Variants in RAB27B observed in about 807,000 individuals in gnomAD.
RAB27B encodes the protein ras-related protein Rab-27B.
Under a neutral mutation model 24.6 loss-of-function variants are expected in RAB27B, and 15 were observed. The observed-to-expected ratio is 0.61, with a 90% CI of 0.41 to 0.94. RAB27B has a LOEUF of 0.94. Among genes scored for constraint, RAB27B ranks in the 40% least tolerant of loss-of-function variants. The pLI is 0.00. For synonymous variants in RAB27B, 105 were observed against 92.5 expected (o/e 1.14, Z -0.78); for missense variants, 261 against 266.8 (o/e 0.98, Z 0.15).
chr18:54,772,997 C>T (rs1019555178), intron 2 of RAB27B, among the ~76,000 whole-genome samples: 4 of 152,130 alleles, frequency 2.6e-5, no homozygotes, highest in African/African-American at 9.7e-5. Context: ...ACTTTCAAAT[C>T]CACTGTATTT....
chr18:54,869,462 C>A (rs1240826616), intron 1 of RAB27B, among the ~76,000 whole-genome samples: 2 of 152,180 alleles, frequency 1.3e-5, no homozygotes, highest in African/African-American at 4.8e-5. Context: ...TGGGTTTTAG[C>A]AAATTCATGT....
intron 2 of RAB27B, among the ~76,000 whole-genome samples, chr18:54,739,304 A>C (rs1909998130): frequency 6.6e-6 from 1 of 151,804 alleles, no homozygotes; most frequent in Non-Finnish European, 1.5e-5. Flanking sequence ...AAAATACAAA[A>C]AGTTAGCCAG....
At chr18:54,814,649 G>C (rs554722304) in intron 2 of RAB27B, among the ~76,000 whole-genome samples, 1 of 152,138 alleles carries the variant, frequency 6.6e-6, no homozygotes, top group South Asian at 2.1e-4. Context: ...AAAAAGGCAA[G>C]GTTTGTTAAG....
chr18:54,817,341 G>A (rs1050764479), intron 2 of RAB27B, among the ~76,000 whole-genome samples: 3 of 152,138 alleles, frequency 2.0e-5, no homozygotes, highest in Non-Finnish European at 4.4e-5. Flanking sequence ...CAAGGCTTTA[G>A]ATTTAGAGTT....
intron 1 of RAB27B, among the ~76,000 whole-genome samples, chr18:54,850,818 A>G (rs1383196044): frequency 7.9e-5 from 12 of 151,034 alleles, no homozygotes; most frequent in Non-Finnish European, 1.5e-5. Flanking sequence ...ATTATTAAAA[A>G]TATTAATTTT....
At chr18:54,888,141 G>A in intron 5 of RAB27B, 23 bp downstream of exon 5, 2 of 1,610,394 alleles carry the variant, frequency 1.2e-6, no homozygotes, top group South Asian at 1.1e-5. Context: ...CACTGAGATG[G>A]CATGTGACTT....
rs971160255 is a variant in RAB27B, at chr18:54,725,805, T to C, written c.-20+7664T>C. On this transcript the variant is annotated intron_variant, in intron 2 of 4. Transcript: ENST00000586570. ...TCTCTGTCACGACATGTGGGGATTA[T>C]GGGAATTACAATTCAAGATGAGATT... Among the ~76,000 whole-genome samples, 35 of 151,562 alleles carry C rather than the reference T, an allele frequency of 2.3e-4. 1 individual carries two copies. Among genetic ancestry groups the C allele is most frequent in the African/African-American group, 8.5e-4 (35 of 41,334 alleles).
At chr18:54,818,658 C>T (rs868359534) in intron 2 of RAB27B, among the ~76,000 whole-genome samples, 9 of 152,244 alleles carry the variant, frequency 5.9e-5, no homozygotes, top group Middle Eastern at 3.4e-3. Context: ...GAGAGCCTGA[C>T]CTCCCACTTT....
intron 1 of RAB27B, among the ~76,000 whole-genome samples, chr18:54,872,642 A>T (rs1363665908): frequency 6.7e-6 from 1 of 148,942 alleles, no homozygotes; most frequent in Non-Finnish European, 1.5e-5. Context: ...AAAAAAAAAG[A>T]AAAAAGAAAA....
In RAB27B at chr18:54,877,634, G is replaced by A; in HGVS notation, c.49G>A (p.Asp17Asn). The stretch of plus-strand genomic sequence containing the variant: ...TCTGATCAAACTCCTGGCCCTCGGG[G>A]ATTCAGGGGTGGGGAAGACAACATT... The part of the protein sequence containing the change: ...DYLIKLLALG[D>N]SGVGKTTFLY... The change falls in exon 2 of 6, where the codon GAT becomes AAT. Residue 17 changes from aspartate to asparagine, a missense_variant. Coordinates refer to ENST00000262094, the MANE Select transcript of RAB27B (RefSeq NM_004163.4). 6.3e-7 allele frequency: 1 copy of A among 1,593,370 alleles called. No individual in the cohort carries two copies. The highest frequency in any genetic ancestry group is 8.5e-7 in the Non-Finnish European group (1 of 1,174,096).
Position 54,889,497 on chromosome 18 carries a change from T to C in RAB27B, c.*84T>C, listed in dbSNP as rs1913282507. ...GACAAACCACACAATTGTTGTTGAG[T>C]AAACCACGCACAATGGCATGTCTTT... On this transcript the variant is annotated 3_prime_UTR_variant, in exon 6 of 6. Transcript: ENST00000262094. 5.7e-6 allele frequency: 7 copies of C among 1,238,296 alleles called. No homozygotes were observed. Among genetic ancestry groups the C allele is most frequent in the African/African-American group, 1.5e-5 (1 of 65,074 alleles). The allele number at this position is 1,238,296 out of a possible 1,614,324, so 76.7% of individuals were successfully genotyped here. A position where few individuals can be genotyped will look rare whatever the true frequency, so the allele number is the denominator to read the frequency against.
intron 1 of RAB27B, among the ~76,000 whole-genome samples, chr18:54,870,889 A>G (rs1484921492): frequency 6.6e-6 from 1 of 152,190 alleles, no homozygotes; most frequent in Non-Finnish European, 1.5e-5. Flanking sequence ...GGCAGATGAA[A>G]GAAGAATGGC....
chr18:54,721,537 C>A (rs1006997339), intron 2 of RAB27B, among the ~76,000 whole-genome samples: 2 of 152,092 alleles, frequency 1.3e-5, no homozygotes, highest in Non-Finnish European at 2.9e-5. Context: ...AATTATTTTT[C>A]ATTAATATGT....
chr18:54,770,839 T>C (rs1486618337), intron 2 of RAB27B, among the ~76,000 whole-genome samples: 1 of 152,212 alleles, frequency 6.6e-6, no homozygotes, highest in African/African-American at 2.4e-5. Flanking sequence ...TTTCTGCAGG[T>C]CTTTTTATTC....
At chr18:54,847,519 GTTAA>G (rs1911386593) in intron 1 of RAB27B, among the ~76,000 whole-genome samples, 1 of 152,190 alleles carries the variant, frequency 6.6e-6, no homozygotes, top group Non-Finnish European at 1.5e-5. Flanking sequence ...GAAGTGTTGT[GTTAA>G]TTATGACGTT....
Position 54,890,686 on chromosome 18 carries a change from A to G in RAB27B, c.*1273A>G, listed in dbSNP as rs1416910263. ...ATAATACCTCATTCTGTATTACAATATGATTTTATTTTGCCAAAGGCAAGA... is the reference window on the plus strand; with the variant it reads ...ATAATACCTCATTCTGTATTACAATGTGATTTTATTTTGCCAAAGGCAAGA... On this transcript the variant is annotated 3_prime_UTR_variant, in exon 6 of 6. Transcript: ENST00000262094. 6.6e-6 allele frequency: 1 copy of G among 152,178 alleles called. No homozygotes were observed. Among genetic ancestry groups the G allele is most frequent in the Non-Finnish European group, 1.5e-5 (1 of 68,026 alleles). The allele number at this position is 152,178 out of a possible 1,614,324, so 9.4% of individuals were successfully genotyped here. A position where few individuals can be genotyped will look rare whatever the true frequency, so the allele number is the denominator to read the frequency against.
chr18:54,854,459 C>CT (rs892124698), intron 1 of RAB27B, among the ~76,000 whole-genome samples: 1 of 152,162 alleles, frequency 6.6e-6, no homozygotes, highest in Non-Finnish European at 1.5e-5. Flanking sequence ...TGTTGTGCCT[C>CT]TTTTTACCAG....
At chr18:54,739,948 A>G (rs966343730) in intron 2 of RAB27B, among the ~76,000 whole-genome samples, 1 of 152,208 alleles carries the variant, frequency 6.6e-6, no homozygotes, top group African/African-American at 2.4e-5. Context: ...TCATTTGCCC[A>G]TGTAGATGTG....
At chr18:54,745,911 C>T (rs1910230087) in intron 2 of RAB27B, among the ~76,000 whole-genome samples, 1 of 148,326 alleles carries the variant, frequency 6.7e-6, no homozygotes, top group African/African-American at 2.5e-5. Flanking sequence ...CACTGCTGGC[C>T]AAGATAAATA....
Sources: allele counts gnomAD v4.1 joint callset (sites outside exome capture counted in the v4.1 genomes callset), GRCh38; gene constraint gnomAD v4.1.1; transcripts MANE v1.5; gene names NCBI Gene and HGNC (gene_info 2026-07-23, HGNC 2026-07-21).